Variants in MIPEP observed in about 807,000 individuals in gnomAD.
The protein encoded by MIPEP is mitochondrial intermediate peptidase.
Under a neutral mutation model 90.3 loss-of-function variants are expected in MIPEP, and 79 were observed. That is an observed-to-expected ratio of 0.87 (90% CI 0.73 to 1.05). The LOEUF (loss-of-function observed/expected upper bound fraction) is 1.05, where lower values mean the gene tolerates loss of function less well. Ranked by LOEUF, MIPEP falls within the 50% of genes least tolerant of loss-of-function variation. MIPEP has a pLI of 0.00. For synonymous variants in MIPEP, 334 were observed against 315.8 expected (o/e 1.06, Z -0.61); for missense variants, 940 against 905.6 (o/e 1.04, Z -0.49).
chr13:23,806,957 G>A (rs1170314130), intron 15 of MIPEP, among the ~76,000 whole-genome samples: 1 of 152,162 alleles, frequency 6.6e-6, no homozygotes, highest in Non-Finnish European at 1.5e-5. Flanking sequence ...TAGCAATGCA[G>A]CATCTCGTGA....
chr13:23,736,197 TG>T (rs1199258480), intron 18 of MIPEP, among the ~76,000 whole-genome samples: 1 of 152,216 alleles, frequency 6.6e-6, no homozygotes, highest in Non-Finnish European at 1.5e-5. Context: ...GGAGAATGAA[TG>T]GATCTTGCCA....
chr13:23,809,979 C>T (rs372104769), intron 14 of MIPEP, 55 bp from the exon 15 acceptor site: 12 of 1,102,944 alleles, frequency 1.1e-5, no homozygotes, highest in Non-Finnish European at 1.7e-5. Flanking sequence ...AGTCACTGCA[C>T]TATGTATAAG....
chr13:23,869,361 G>C lies in MIPEP; in HGVS notation c.874C>G (p.Leu292Val), dbSNP rs901056433. 2 of 1,613,492 alleles carry C rather than the reference G, an allele frequency of 1.2e-6. No homozygotes were observed. Among genetic ancestry groups the C allele is most frequent in the African/African-American group, 2.7e-5 (2 of 74,942 alleles). ...LEELLSSRDL[L>V]AKLVGYSTFS... ...GTGGAATACCCCACCAACTTTGCCA[G>C]AAGATCTCTGCTGCTGAGCAATTCT... The change falls in exon 7 of 19, where the codon CTG (leucine) becomes GTG (valine). Residue 292 changes from leucine (L) to valine (V), a missense_variant. Physicochemically the swap from Leu to Val is conservative, Grantham distance 32 (BLOSUM62 1). Transcript: ENST00000382172.
At chr13:23,773,267 A>G (rs1469876553) in intron 16 of MIPEP, among the ~76,000 whole-genome samples, 3 of 152,202 alleles carry the variant, frequency 2.0e-5, no homozygotes, top group Non-Finnish European at 4.4e-5. Flanking sequence ...ACCGAGCGTA[A>G]TGTTTTCAAA....
At chr13:23,801,673 G>A (rs1953043187) in intron 16 of MIPEP, among the ~76,000 whole-genome samples, 1 of 152,084 alleles carries the variant, frequency 6.6e-6, no homozygotes, top group Non-Finnish European at 1.5e-5. Flanking sequence ...GCATCACTCT[G>A]AACTTTATAT....
intron 10 of MIPEP, among the ~76,000 whole-genome samples, chr13:23,851,539 C>G (rs1351929886): frequency 6.6e-6 from 1 of 152,156 alleles, no homozygotes; most frequent in Non-Finnish European, 1.5e-5. Flanking sequence ...AAAAACTGGA[C>G]ATTTCCATGT....
chr13:23,888,835 A>G, intron 1 of MIPEP: 1 of 830,382 alleles, frequency 1.2e-6, no homozygotes, highest in Non-Finnish European at 1.6e-6. Flanking sequence ...GGGTCCTGGC[A>G]GGACGAATTC....
chr13:23,734,184 G>A (rs908212578), intron 18 of MIPEP, among the ~76,000 whole-genome samples: 9 of 152,206 alleles, frequency 5.9e-5, no homozygotes, highest in African/African-American at 1.4e-4. Flanking sequence ...AGCCTATCAC[G>A]CCATTTCTTC....
rs979934045 is a variant in MIPEP at position 23,839,741 on chromosome 13, T to C, written c.1261-15A>G. 1 of 1,594,608 alleles carries C rather than the reference T, an allele frequency of 6.3e-7. No individual in the cohort carries two copies. The highest frequency in any genetic ancestry group is 1.7e-5 in the Admixed American group (1 of 57,546). On this transcript the variant is annotated splice_polypyrimidine_tract_variant and intron_variant, in intron 11 of 18. Coordinates refer to ENST00000382172, the MANE Select transcript of MIPEP (RefSeq NM_005932.4). ...TGAACAACAGCCTAGAAAAAAAAATTTAAATTTGGTGGTAAATGAGGCCAT... is the reference window on the plus strand; with the variant it reads ...TGAACAACAGCCTAGAAAAAAAAATCTAAATTTGGTGGTAAATGAGGCCAT...
intron 10 of MIPEP, chr13:23,842,510 C>CCAGT (rs1340589508): frequency 6.6e-6 from 1 of 152,138 alleles, no homozygotes; most frequent in Non-Finnish European, 1.5e-5. Context: ...CGTTCATGAT[C>CCAGT]CAGTGCCCTC....
At chr13:23,792,888 C>T (rs1422717770) in intron 16 of MIPEP, among the ~76,000 whole-genome samples, 1 of 152,094 alleles carries the variant, frequency 6.6e-6, no homozygotes, top group South Asian at 2.1e-4. Context: ...GAGACAAGTG[C>T]AAATTAAAAC....
intron 16 of MIPEP, chr13:23,766,119 C>T (rs1326554549): frequency 6.6e-6 from 1 of 152,128 alleles, no homozygotes; most frequent in Non-Finnish European, 1.5e-5. Context: ...TAAGAAGATA[C>T]TATGGTGTTA....
At chr13:23,854,738 A>C (rs1315980041) in intron 10 of MIPEP, among the ~76,000 whole-genome samples, 1 of 151,826 alleles carries the variant, frequency 6.6e-6, no homozygotes, top group Non-Finnish European at 1.5e-5. Flanking sequence ...CTAAAAATAC[A>C]AAAATTAGCT....
Position 23,745,702 on chromosome 13 carries a change from C to T in MIPEP, c.2044+10843G>A, listed in dbSNP as rs537193522. ...TGGCACTCTGGGAGGCCGAGGCGGGCGGATCACTTGAGGTCAGGAGTTCGA... is the reference window on the plus strand; with the variant it reads ...TGGCACTCTGGGAGGCCGAGGCGGGTGGATCACTTGAGGTCAGGAGTTCGA... On this transcript the variant is annotated intron_variant, in intron 18 of 18. Transcript: ENST00000382172. Among the ~76,000 whole-genome samples the T allele has an allele frequency of 5.3e-5, 8 of 152,080 alleles. No individual in the cohort carries two copies. The South Asian group carries it at 6.2e-4, about 12-fold the overall frequency.
At chr13:23,821,124 C>T (rs968726951) in intron 14 of MIPEP, among the ~76,000 whole-genome samples, 3 of 152,152 alleles carry the variant, frequency 2.0e-5, no homozygotes, top group Non-Finnish European at 4.4e-5. Context: ...TTTATGGAGG[C>T]ATTTTATTGA....
intron 2 of MIPEP, among the ~76,000 whole-genome samples, chr13:23,883,834 G>A (rs1485946647): frequency 6.6e-6 from 1 of 152,090 alleles, no homozygotes; most frequent in African/African-American, 2.4e-5. Flanking sequence ...TTGGCAGTGC[G>A]TTTCCACAGC....
intron 14 of MIPEP, among the ~76,000 whole-genome samples, chr13:23,824,528 G>A (rs1037945382): frequency 6.6e-6 from 1 of 152,212 alleles, no homozygotes; most frequent in Admixed American, 6.5e-5. Context: ...AAATACTTCA[G>A]CGGCATAAAG....
intron 14 of MIPEP, among the ~76,000 whole-genome samples, chr13:23,826,134 T>C (rs1276187723): frequency 6.6e-6 from 1 of 151,980 alleles, no homozygotes; most frequent in African/African-American, 2.4e-5. Flanking sequence ...AAGAAAGGAA[T>C]TGTTCATCGG....
intron 17 of MIPEP, 84 bp downstream of exon 17, chr13:23,760,012 G>A (rs1952523031): frequency 1.0e-5 from 16 of 1,568,074 alleles, no homozygotes; most frequent in Non-Finnish European, 1.3e-5. Context: ...GTGGGCTGCA[G>A]TTCTCGAGCC....
Sources: allele counts gnomAD v4.1 joint callset (sites outside exome capture counted in the v4.1 genomes callset), GRCh38; gene constraint gnomAD v4.1.1; transcripts MANE v1.5; gene names NCBI Gene and HGNC (gene_info 2026-07-23, HGNC 2026-07-21).